Variants in DCLRE1A observed in about 807,000 individuals in gnomAD.
The protein encoded by DCLRE1A is DNA cross-link repair 1A.
A neutral mutation model predicts 91.9 loss-of-function variants in DCLRE1A; 64 were observed. The observed-to-expected ratio is 0.70, with a 90% CI of 0.57 to 0.86. The LOEUF is 0.86. DCLRE1A is among the 40% of genes least tolerant of loss of function. DCLRE1A has a pLI of 0.00. For missense variants in DCLRE1A, 1,145 were observed against 1,213.3 expected (o/e 0.94, Z 0.84); for synonymous variants, 416 against 431.1 (o/e 0.96, Z 0.43).
At chr10:113,851,146 T>A (rs994460370) in intron 1 of DCLRE1A, among the ~76,000 whole-genome samples, 4 of 152,034 alleles carry the variant, frequency 2.6e-5, no homozygotes, top group African/African-American at 9.7e-5. Context: ...AAAAGAAAAA[T>A]TTTTTGAGGT....
At position 113,845,953 on chromosome 10, in the gene DCLRE1A, ATGGC is replaced by A. The variant is rs1191251180; in HGVS notation, c.2260-154_2260-151del. ...ACAATGCCAGGAAGAATTTCCTATA[ATGGC>A]TGTGCCACTACTCTGCTTGAAAATC... On this transcript the variant is annotated intron_variant, in intron 3 of 8. Transcript: ENST00000361384. The A allele has an allele frequency of 1.1e-5, 8 of 742,322 alleles. No homozygotes were observed. The African/African-American group carries it at 1.4e-4, about 13-fold the overall frequency. The allele number at this position is 742,322 out of a possible 1,614,324, so 46.0% of individuals were successfully genotyped here.
intron 2 of DCLRE1A, 68 bp from the exon 3 acceptor site, chr10:113,847,403 G>A (rs2134663273): frequency 1.2e-5 from 19 of 1,561,708 alleles, no homozygotes; most frequent in Admixed American, 1.8e-5. Context: ...TATAAATACT[G>A]AATGAACCCT....
At chr10:113,842,518 A>T (rs1353263106) in intron 5 of DCLRE1A, 30 bp from the exon 6 acceptor site, 4 of 1,596,506 alleles carry the variant, frequency 2.5e-6, no homozygotes, top group Non-Finnish European at 3.4e-6. Flanking sequence ...TACTTACTAA[A>T]AGAACAATAA....
chr10:113,844,314 A>G, intron 4 of DCLRE1A, 70 bp from the exon 5 acceptor site: 1 of 1,580,542 alleles, frequency 6.3e-7, no homozygotes, highest in Non-Finnish European at 8.6e-7. Flanking sequence ...CTATTTCAAT[A>G]TCAACAAGTT....
chr10:113,845,223 GA>G (rs566102659), intron 4 of DCLRE1A, among the ~76,000 whole-genome samples: 242 of 151,786 alleles, frequency 1.6e-3, no homozygotes, highest in African/African-American at 5.4e-3. Context: ...CCATTTCCAA[GA>G]AAAAAAAGTC....
rs10689395 is a variant in DCLRE1A at position 113,853,279 on chromosome 10, G to GA, written c.-98dup. On this transcript the variant is annotated 5_prime_UTR_variant, in exon 1 of 9. Transcript: ENST00000361384. ...AAAAGTTATAGAATTATTTTGCTGA[G>GA]AAAAAAAACAAAGGTAACAAAACCC... 0.012 allele frequency: 15,252 copies of GA among 1,220,608 alleles called. 1,291 individuals carry two copies. The African/African-American group carries it at 0.2, about 16-fold the overall frequency. 75.6% of individuals were successfully genotyped at this position (1,220,608 alleles called of 1,614,324 possible). A position where few individuals can be genotyped will look rare whatever the true frequency, so the allele number is the denominator to read the frequency against.
upstream of DCLRE1A, chr10:113,854,204 G>T (rs1175075995): frequency 1.3e-5 from 2 of 152,264 alleles, no homozygotes; most frequent in Admixed American, 6.5e-5. Context: ...CGCTCCTCCC[G>T]GCACCCCCAT....
At chr10:113,839,043 A>C (rs1191778561) in intron 7 of DCLRE1A, among the ~76,000 whole-genome samples, 1 of 152,122 alleles carries the variant, frequency 6.6e-6, no homozygotes, top group African/African-American at 2.4e-5. Flanking sequence ...AAATCTTCCG[A>C]GGCCGGGCGT....
rs1207963113 is a variant in DCLRE1A at position 113,849,470 on chromosome 10, A to G, written c.1635T>C (p.Asn545=). 1.2e-6 allele frequency: 2 copies of G among 1,614,024 alleles called. No homozygotes were observed. Among genetic ancestry groups the G allele is most frequent in the Admixed American group, 3.3e-5 (2 of 60,006 alleles). ...TTACCTTGGTAGAAGGATGTCTTGC[A>G]TTATACTTAAGACCAGAAGGCAATA... ...LKILPSGLKY[N]ARHPSTKVMK... The change falls in exon 2 of 9, where the codon AAT becomes AAC. Residue 545 remains asparagine (N), a synonymous_variant. Coordinates refer to ENST00000361384, the MANE Select transcript of DCLRE1A (RefSeq NM_014881.5).
chr10:113,849,878 C>T lies in DCLRE1A; in HGVS notation c.1227G>A (p.Leu409=), dbSNP rs1181408466. ...GCTTCCCTGCCAATGCAGGTGGAAA[C>T]AACACAAAATCACCACCAGTACATG... The part of the protein sequence containing the change: ...DLACTGGDFV[L]FPPALAGKLA... The change falls in exon 2 of 9, where the codon TTG becomes TTA. Residue 409 remains leucine (L), a synonymous_variant. Coordinates refer to ENST00000361384, the MANE Select transcript of DCLRE1A (RefSeq NM_014881.5). 1 of 1,613,792 alleles carries T rather than the reference C, an allele frequency of 6.2e-7. No individual in the cohort carries two copies. The highest frequency in any genetic ancestry group is 8.5e-7 in the Non-Finnish European group (1 of 1,180,026).
rs1845457527 is a variant in DCLRE1A, at chr10:113,842,329, C to T, written c.2665+14G>A. On this transcript the variant is annotated intron_variant, in intron 6 of 8. Coordinates refer to ENST00000361384, the MANE Select transcript of DCLRE1A (RefSeq NM_014881.5). ...ATAATATATTAATGTAAATTAGATACACCTACAACTCACCTAGGAAGACTT... is the reference window on the plus strand; with the variant it reads ...ATAATATATTAATGTAAATTAGATATACCTACAACTCACCTAGGAAGACTT... The T allele has an allele frequency of 6.2e-7, 1 of 1,605,494 alleles. No individual in the cohort carries two copies. Among genetic ancestry groups the T allele is most frequent in the Non-Finnish European group, 8.5e-7 (1 of 1,174,782 alleles).
chr10:113,849,383 CA>C lies in DCLRE1A; in HGVS notation c.1721del (p.Leu574CysfsTer2). Reference protein sequence around the residue: ...GLPPKRKEEKLLGESALEGIN... With the variant: ...GLPPKRKEEKXLGESALEGIN... ...TCCCTTCTAATGCACTTTCCCCTAGCAATTTCTCTTCCTTTCTTTTGGGAGG... is the reference window on the plus strand; with the variant it reads ...TCCCTTCTAATGCACTTTCCCCTAGCATTTCTCTTCCTTTCTTTTGGGAGG... On this transcript the variant is annotated frameshift_variant, in exon 2 of 9. Transcript: ENST00000361384. LOFTEE classifies it high-confidence loss of function. 6.2e-7 allele frequency: 1 copy of C among 1,613,846 alleles called. No homozygotes were observed. The highest frequency in any genetic ancestry group is 8.5e-7 in the Non-Finnish European group (1 of 1,179,876).
chr10:113,852,267 C>T (rs976515636), intron 1 of DCLRE1A, among the ~76,000 whole-genome samples: 6 of 152,186 alleles, frequency 3.9e-5, no homozygotes, highest in Admixed American at 2.6e-4. Flanking sequence ...ACCTAGGAAG[C>T]GGAGCTTGCA....
chr10:113,838,807 G>T (rs1845400188), intron 7 of DCLRE1A, among the ~76,000 whole-genome samples: 1 of 152,114 alleles, frequency 6.6e-6, no homozygotes, highest in Non-Finnish European at 1.5e-5. Flanking sequence ...AGTCAACTAC[G>T]TAGCACATAC....
intron 8 of DCLRE1A, among the ~76,000 whole-genome samples, chr10:113,835,928 T>C (rs920643158): frequency 6.6e-6 from 1 of 152,026 alleles, no homozygotes; most frequent in African/African-American, 2.4e-5. Flanking sequence ...AGCAAGACTC[T>C]TGTCTCAAAA....
chr10:113,850,761 G>A, intron 1 of DCLRE1A, 117 bp from the exon 2 acceptor site: 2 of 738,302 alleles, frequency 2.7e-6, no homozygotes, highest in Non-Finnish European at 2.0e-6. Context: ...ATAATAAAAA[G>A]CAACAATTTT....
rs10527278 is a variant in DCLRE1A, at chr10:113,843,023, TACACACACACACACACACACAC to T, written c.2520-557_2520-536del. 1.7e-3 allele frequency among the ~76,000 whole-genome samples: 254 copies of T among 145,982 alleles called. 3 individuals are homozygous for T. In the South Asian group the frequency reaches 0.05, roughly 29 times the overall value. ...CTATGTGTATATATATGTACATGTG[TACACACACACACACACACACAC>T]ACACACACACACACACACACACAGA... On this transcript the variant is annotated intron_variant, in intron 5 of 8. Coordinates refer to ENST00000361384, the MANE Select transcript of DCLRE1A (RefSeq NM_014881.5).
chr10:113,848,942 T>C (rs763165005), intron 2 of DCLRE1A, 38 bp downstream of exon 2: 3 of 1,562,182 alleles, frequency 1.9e-6, no homozygotes, highest in East Asian at 2.3e-5. Flanking sequence ...AAAAACGTTG[T>C]CTTTGTTGAT....
Position 113,845,718 on chromosome 10 carries a change from T to C in DCLRE1A, c.2345A>G (p.Asn782Ser). ...PLPLDTECIV[N>S]GVKVVLLDAN... ...ATCAAGCAAAACAACTTTGACACCATTCACAATACATTCAGTGTCCAGTGG... is the reference window on the plus strand; with the variant it reads ...ATCAAGCAAAACAACTTTGACACCACTCACAATACATTCAGTGTCCAGTGG... The change falls in exon 4 of 9, where the codon AAT (asparagine) becomes AGT (serine). Residue 782 changes from asparagine (N) to serine (S), a missense_variant. Asn to Ser is a conservative substitution (Grantham distance 46, BLOSUM62 1). Transcript: ENST00000361384. 1 of 1,614,142 alleles carries C rather than the reference T, an allele frequency of 6.2e-7. No homozygotes were observed. Among genetic ancestry groups the C allele is most frequent in the Non-Finnish European group, 8.5e-7 (1 of 1,180,000 alleles).
Sources: gnomAD v4.1 joint callset for allele counts (sites outside exome capture counted in the v4.1 genomes callset) on GRCh38, gnomAD v4.1.1 for gene constraint, MANE v1.5 for transcripts, NCBI Gene and HGNC (gene_info 2026-07-23, HGNC 2026-07-21) for gene names.